RILPL2: variants seen among roughly 807,000 people sequenced by gnomAD.
RILPL2 encodes RILP-like protein 2.
Under a neutral mutation model 22.2 loss-of-function variants are expected in RILPL2, and 19 were observed. The ratio of observed to expected loss-of-function variants is 0.86; its 90% confidence interval spans 0.60 to 1.25. RILPL2 has a LOEUF of 1.25. Ranked by LOEUF, RILPL2 falls within the 50% of genes most tolerant of loss-of-function variation. The pLI is 0.00. For missense variants in RILPL2, 243 were observed against 263.6 expected (o/e 0.92, Z 0.54); for synonymous variants, 123 against 111.6 (o/e 1.10, Z -0.64).
chr12:123,423,112 T>C lies in RILPL2; in HGVS notation c.537A>G (p.Lys179=). 1 of 1,613,744 alleles carries C rather than the reference T, an allele frequency of 6.2e-7. No individual in the cohort carries two copies. Among genetic ancestry groups the C allele is most frequent in the Non-Finnish European group, 8.5e-7 (1 of 1,179,820 alleles). ...TTTTGGCACTAGTAACCACAGCATC[T>C]TTTTCTCTTCTTCCTCCTGGGCCTT... is the stretch of plus-strand genomic sequence containing the variant. ...PREGPGGRRE[K]DAVVTSAKNA... Residue 179 remains lysine, a synonymous_variant, in exon 3 of 4, where the codon AAA becomes AAG. Transcript: ENST00000280571.
At chr12:123,414,723 G>C (rs1879067511), downstream of RILPL2, 1 of 152,982 alleles carries the variant, frequency 6.5e-6, no homozygotes, top group African/African-American at 2.4e-5. Flanking sequence ...GAGGTCAGGA[G>C]ATCGAGACCA....
At chr12:123,427,772 T>C (rs1034681624) in intron 2 of RILPL2, among the ~76,000 whole-genome samples, 2 of 152,148 alleles carry the variant, frequency 1.3e-5, no homozygotes, top group Admixed American at 6.6e-5. Context: ...CTCAAACTCC[T>C]GACCTCAGGC....
chr12:123,415,631 C>A lies in RILPL2; in HGVS notation c.*260G>T. ...TTGACATGGGAGCAGGAAGTGGACC[C>A]CCCCACCCTGCACATCCCTTCTGTT... On this transcript the variant is annotated 3_prime_UTR_variant, in exon 4 of 4. Transcript: ENST00000280571. 1.8e-6 allele frequency: 1 copy of A among 569,634 alleles called. No homozygotes were observed. The highest frequency in any genetic ancestry group is 3.1e-6 in the Non-Finnish European group (1 of 317,802). 35.3% of individuals were successfully genotyped at this position (569,634 alleles called of 1,614,324 possible). A position where few individuals can be genotyped will look rare whatever the true frequency, so the allele number is the denominator to read the frequency against.
chr12:123,424,892 A>AT (rs1367191602), intron 2 of RILPL2, among the ~76,000 whole-genome samples: 2 of 150,558 alleles, frequency 1.3e-5, no homozygotes, highest in African/African-American at 2.5e-5. Flanking sequence ...TCATTTATTT[A>AT]TTTTTTTGAG....
chr12:123,427,664 C>G (rs192680300), intron 2 of RILPL2, among the ~76,000 whole-genome samples: 45 of 152,100 alleles, frequency 3.0e-4, no homozygotes, highest in Middle Eastern at 3.4e-3. Context: ...GCCTCAGCCT[C>G]CTGAACAGCT....
At position 123,436,307 on chromosome 12, in the gene RILPL2, G is replaced by A; in HGVS notation, c.114C>T (p.Ala38=). The A allele has an allele frequency of 6.3e-7, 1 of 1,591,332 alleles. No individual in the cohort carries two copies. The highest frequency in any genetic ancestry group is 1.3e-5 in the African/African-American group (1 of 74,532). The change falls in exon 1 of 4, where the codon GCC becomes GCT. Residue 38 remains alanine (A), a synonymous_variant. Transcript: ENST00000280571. The surrounding 1 kb of genome is among the most constrained non-coding windows in gnomAD (Gnocchi z 6.7). The part of the protein sequence containing the change: ...ALGKSPFQLT[A]EDVYDISYLL... ...GGTAGGAGATGTCATACACGTCCTC[G>A]GCGGTCAGCTGGAAGGGGCTCTTGC...
chr12:123,416,913 T>C (rs1879132856), intron 3 of RILPL2, among the ~76,000 whole-genome samples: 2 of 152,158 alleles, frequency 1.3e-5, no homozygotes, highest in Non-Finnish European at 2.9e-5. Flanking sequence ...AGACAGCCAA[T>C]GAAAGTCCTA....
At chr12:123,413,203 C>A (rs1368603767), downstream of RILPL2, 3 of 164,192 alleles carry the variant, frequency 1.8e-5, 1 homozygote, top group Admixed American at 6.5e-5. Flanking sequence ...CCCCACCACC[C>A]CCCAAAAAAA....
In RILPL2 at chr12:123,436,434, C is replaced by T. The variant is rs752834336; in HGVS notation, c.-14G>A. The T allele has an allele frequency of 6.5e-7, 1 of 1,543,294 alleles. No homozygotes were observed. The highest frequency in any genetic ancestry group is 8.7e-7 in the Non-Finnish European group (1 of 1,146,178). On this transcript the variant is annotated 5_prime_UTR_variant, in exon 1 of 4. Transcript: ENST00000280571. The surrounding 1 kb of genome is among the most constrained non-coding windows in gnomAD (Gnocchi z 6.7). The stretch of plus-strand genomic sequence containing the variant: ...GGGCTCCTCCATGGCCACCCAGACC[C>T]CCGCCGACCTCGGAGCTGCTGTCTT...
rs534081128 is a variant in RILPL2 at position 123,423,032 on chromosome 12, G to C, written c.605+12C>G. The C allele has an allele frequency of 1.1e-5, 18 of 1,585,602 alleles. No homozygotes were observed. The highest frequency in any genetic ancestry group is 1.7e-4 in the Middle Eastern group (1 of 6,018). On this transcript the variant is annotated intron_variant, in intron 3 of 3. Coordinates refer to ENST00000280571, the MANE Select transcript of RILPL2 (RefSeq NM_145058.3). ...ATTTGGCGGGACCGGGGGGCAGCAA[G>C]GTGACACTTACAGCTTTTTTATGAT...
rs557533868 is a variant in RILPL2, at chr12:123,417,261, C to T, written c.606-1340G>A. Reference sequence around the variant, plus strand: ...TTGCAGTGAGCTGAGATCAAGCTACCGCACACCAGCCTGGGTGACAGAGTG... The same window carrying T: ...TTGCAGTGAGCTGAGATCAAGCTACTGCACACCAGCCTGGGTGACAGAGTG... On this transcript the variant is annotated intron_variant, in intron 3 of 3. Coordinates refer to ENST00000280571, the MANE Select transcript of RILPL2 (RefSeq NM_145058.3). 1.7e-4 allele frequency among the ~76,000 whole-genome samples: 25 copies of T among 150,394 alleles called. No homozygotes were observed. The East Asian group carries it at 4.1e-3, about 25-fold the overall frequency.
chr12:123,428,700 G>T (rs1161722875), intron 2 of RILPL2, among the ~76,000 whole-genome samples: 1 of 152,138 alleles, frequency 6.6e-6, no homozygotes. Context: ...ACTGTCTGAG[G>T]TCACATCACC....
chr12:123,433,189 C>T (rs1337771242), intron 1 of RILPL2, among the ~76,000 whole-genome samples: 1 of 151,714 alleles, frequency 6.6e-6, no homozygotes, highest in Admixed American at 6.6e-5. Context: ...TCAATGCAAC[C>T]TCTGCCTCCC....
chr12:123,423,982 T>C (rs1365152247), intron 2 of RILPL2, among the ~76,000 whole-genome samples: 2 of 152,082 alleles, frequency 1.3e-5, no homozygotes, highest in Admixed American at 6.6e-5. Context: ...CCTAATTGCA[T>C]TGGCTACTGC....
intron 2 of RILPL2, among the ~76,000 whole-genome samples, chr12:123,427,830 C>T (rs1879486069): frequency 6.6e-6 from 1 of 152,214 alleles, no homozygotes; most frequent in Admixed American, 6.5e-5. Context: ...CAGGTGTGAG[C>T]CACCTCAACC....
rs1022194381 is a variant in RILPL2 at position 123,415,765 on chromosome 12, T to G, written c.*126A>C. On this transcript the variant is annotated 3_prime_UTR_variant, in exon 4 of 4. Coordinates refer to ENST00000280571, the MANE Select transcript of RILPL2 (RefSeq NM_145058.3). ...AACCTCGTCTCCTCCCTCCTCAGTC[T>G]GCTTTGAAGGGGAAATAAATACACA... The G allele has an allele frequency of 1.1e-6, 1 of 931,638 alleles. No individual in the cohort carries two copies. The highest frequency in any genetic ancestry group is 1.8e-6 in the Non-Finnish European group (1 of 565,826). The allele number at this position is 931,638 out of a possible 1,614,324, so 57.7% of individuals were successfully genotyped here. A position where few individuals can be genotyped will look rare whatever the true frequency, so the allele number is the denominator to read the frequency against.
At chr12:123,426,731 A>G (rs1879452267) in intron 2 of RILPL2, among the ~76,000 whole-genome samples, 1 of 151,496 alleles carries the variant, frequency 6.6e-6, no homozygotes, top group African/African-American at 2.4e-5. Context: ...CCTCCCGAGT[A>G]GCTGGGACTA....
Position 123,430,522 on chromosome 12 carries a change from C to T in RILPL2, c.477G>A (p.Leu159=). 1.9e-6 allele frequency: 3 copies of T among 1,606,432 alleles called. No homozygotes were observed. The highest frequency in any genetic ancestry group is 2.6e-6 in the Non-Finnish European group (3 of 1,175,510). ...GTGGAGCCCACCTCTTGTAGCACTG[C>T]AGCTCTTCCTGCACCACCAGGAGCT... ...KSQLLVVQEE[L]QCYKSGLIPP... The change falls in exon 2 of 4, where the codon CTG becomes CTA. Residue 159 remains leucine (L), a synonymous_variant. Transcript: ENST00000280571.
intron 3 of RILPL2, among the ~76,000 whole-genome samples, chr12:123,418,756 C>CTTTTTTTT (rs1202023726): frequency 1.4e-4 from 13 of 96,234 alleles, no homozygotes; most frequent in Non-Finnish European, 2.0e-4. Context: ...CTTTTTCTTT[C>CTTTTTTTT]TTTTTTTTTT....
Sources: gnomAD v4.1 joint callset for allele counts (sites outside exome capture counted in the v4.1 genomes callset) on GRCh38, gnomAD v4.1.1 for gene constraint, Gnocchi (gnomAD v3.1) non-coding constraint, MANE v1.5 for transcripts, NCBI Gene and HGNC (gene_info 2026-07-23, HGNC 2026-07-21) for gene names.